Variants in ANKRD55 observed in about 807,000 individuals in gnomAD.
ANKRD55 encodes the protein ankyrin repeat domain 55.
In ANKRD55, 41 loss-of-function variants were observed where a neutral mutation model predicts 60.6. The ratio of observed to expected loss-of-function variants is 0.68; its 90% CI spans 0.53 to 0.88. ANKRD55 has a LOEUF of 0.88. ANKRD55 is among the 40% of genes least tolerant of loss of function. ANKRD55 has a pLI of 0.00. For missense variants in ANKRD55, 732 were observed against 767.6 expected (o/e 0.95, Z 0.55); for synonymous variants, 264 against 290.3 (o/e 0.91, Z 0.92).
At chr5:56,125,295 C>T (rs318809) in intron 8 of ANKRD55, among the ~76,000 whole-genome samples, 94,376 of 149,596 alleles carry the variant, frequency 0.63, 29,984 homozygotes, top group African/African-American at 0.76. Context: ...TTTTTTTTTT[C>T]AGACAGAGTC....
In ANKRD55 at chr5:56,111,185, A is replaced by G. The variant is rs1277297516; in HGVS notation, c.1563T>C (p.Ser521=). The change falls in exon 10 of 12, where the codon AGT becomes AGC. Residue 521 remains serine (S), a synonymous_variant. Coordinates refer to ENST00000341048, the MANE Select transcript of ANKRD55 (RefSeq NM_024669.3). ...AGACCTCTTGGTGACCAGGCCGGAC[A>G]CTGAGCAATCTGTCCAGCAGCTTAT... is the stretch of plus-strand genomic sequence containing the variant. The part of the protein sequence containing the change: ...SSDKLLDRLL[S]VRPGHQEVSV... 6.2e-7 allele frequency: 1 copy of G among 1,614,128 alleles called. No homozygotes were observed. The highest frequency in any genetic ancestry group is 8.5e-7 in the Non-Finnish European group (1 of 1,180,054).
chr5:56,163,212 A>G (rs1758375525), intron 5 of ANKRD55, among the ~76,000 whole-genome samples: 1 of 152,164 alleles, frequency 6.6e-6, no homozygotes, highest in Non-Finnish European at 1.5e-5. Flanking sequence ...TTGTGAGAAC[A>G]AAGAACCTGA....
At chr5:56,144,050 G>GTTCA (rs1254064848) in intron 6 of ANKRD55, 121 bp from the exon 7 acceptor site, 18 of 1,272,502 alleles carry the variant, frequency 1.4e-5, no homozygotes, top group African/African-American at 4.4e-5. Context: ...TTTCCTGCTG[G>GTTCA]TTCATTCATT....
At chr5:56,185,881 A>G (rs1354765961) in intron 2 of ANKRD55, among the ~76,000 whole-genome samples, 1 of 152,176 alleles carries the variant, frequency 6.6e-6, no homozygotes, top group Non-Finnish European at 1.5e-5. Context: ...GGAACTTGTT[A>G]TTGGAAATGA....
intron 2 of ANKRD55, among the ~76,000 whole-genome samples, chr5:56,230,507 T>C (rs1388107784): frequency 6.6e-6 from 1 of 152,188 alleles, no homozygotes; most frequent in Non-Finnish European, 1.5e-5. Context: ...ACTGCTAGGG[T>C]TCACTTATCC....
In ANKRD55 at chr5:56,136,985, C is replaced by T. The variant is rs574139739; in HGVS notation, c.612+6816G>A. On this transcript the variant is annotated intron_variant, in intron 7 of 11. Transcript: ENST00000341048. ...CCTCAGCTAATCTGTGAAAATGATTCGCTCTTCACTTGACCCAGAGAGCCC... is the reference window on the plus strand; with the variant it reads ...CCTCAGCTAATCTGTGAAAATGATTTGCTCTTCACTTGACCCAGAGAGCCC... 1.2e-4 allele frequency: 72 copies of T among 612,220 alleles called. 1 individual carries two copies. Among genetic ancestry groups the T allele is most frequent in the South Asian group, 1.1e-3 (64 of 59,374 alleles). 37.9% of individuals were successfully genotyped at this position (612,220 alleles called of 1,614,324 possible).
chr5:56,125,212 T>C (rs1271118871), intron 8 of ANKRD55, among the ~76,000 whole-genome samples: 1 of 152,244 alleles, frequency 6.6e-6, no homozygotes, highest in Non-Finnish European at 1.5e-5. Flanking sequence ...ATGTAGCTTA[T>C]GTTCTTCTAC....
At chr5:56,126,805 A>G in intron 8 of ANKRD55, 117 bp downstream of exon 8, 1 of 1,123,946 alleles carries the variant, frequency 8.9e-7, no homozygotes, top group Non-Finnish European at 1.2e-6. Context: ...GCCCATGTGT[A>G]TTACTGGCAA....
At chr5:56,110,880 G>A (rs1318995955) in intron 10 of ANKRD55, 1 of 549,740 alleles carries the variant, frequency 1.8e-6, no homozygotes, top group Admixed American at 3.3e-5. Flanking sequence ...ATTTGCTGGG[G>A]AGATGAGAAG....
At chr5:56,133,188 C>T (rs1238766768) in intron 7 of ANKRD55, among the ~76,000 whole-genome samples, 2 of 152,138 alleles carry the variant, frequency 1.3e-5, no homozygotes, top group Non-Finnish European at 2.9e-5. Flanking sequence ...TGCCTGTAAT[C>T]CCAGCACTTT....
chr5:56,195,713 G>A (rs927528435), intron 2 of ANKRD55, among the ~76,000 whole-genome samples: 1 of 152,082 alleles, frequency 6.6e-6, no homozygotes, highest in Non-Finnish European at 1.5e-5. Flanking sequence ...CAAAGTGCTG[G>A]GATTACAGGT....
chr5:56,142,857 A>G (rs1333619269), intron 7 of ANKRD55, among the ~76,000 whole-genome samples: 2 of 152,220 alleles, frequency 1.3e-5, no homozygotes, highest in Non-Finnish European at 2.9e-5. Flanking sequence ...TGCTCACTGC[A>G]TAGCTTTGCA....
At position 56,116,695 on chromosome 5, in the gene ANKRD55, G is replaced by A; in HGVS notation, c.885C>T (p.Asp295=). Residue 295 remains aspartate (D), a synonymous_variant, in exon 9 of 12, where the codon GAC becomes GAT. Coordinates refer to ENST00000341048, the MANE Select transcript of ANKRD55 (RefSeq NM_024669.3). The part of the protein sequence containing the change: ...LELGMDSNLR[D]INESTPLAYA... ...AGGCCAAGGGCGTGCTCTCATTGATGTCCCGCAGGTTGCTGTCCATTCCCA... is the reference window on the plus strand; with the variant it reads ...AGGCCAAGGGCGTGCTCTCATTGATATCCCGCAGGTTGCTGTCCATTCCCA... 6.2e-7 allele frequency: 1 copy of A among 1,614,062 alleles called. No individual in the cohort carries two copies. Among genetic ancestry groups the A allele is most frequent in the Non-Finnish European group, 8.5e-7 (1 of 1,179,954 alleles).
intron 2 of ANKRD55, among the ~76,000 whole-genome samples, chr5:56,226,852 G>GA (rs1023677018): frequency 1.3e-5 from 2 of 152,212 alleles, no homozygotes; most frequent in Non-Finnish European, 2.9e-5. Context: ...GTGCTGGAGA[G>GA]GATGTGGAGA....
Position 56,099,905 on chromosome 5 carries a change from A to G in ANKRD55, c.*278T>C. 3.0e-6 allele frequency: 1 copy of G among 328,796 alleles called. No homozygotes were observed. The highest frequency in any genetic ancestry group is 5.1e-5 in the South Asian group (1 of 19,746). 20.4% of individuals were successfully genotyped at this position (328,796 alleles called of 1,614,324 possible). A position where few individuals can be genotyped will look rare whatever the true frequency, so the allele number is the denominator to read the frequency against. ...AGTGCACATGCCACAAAGCAAACCA[A>G]ACATAGCTCAGTTTTCCTACTGATA... On this transcript the variant is annotated 3_prime_UTR_variant, in exon 12 of 12. Transcript: ENST00000341048.
intron 7 of ANKRD55, among the ~76,000 whole-genome samples, chr5:56,139,277 C>CA (rs1561266006): frequency 6.6e-6 from 1 of 152,058 alleles, no homozygotes; most frequent in East Asian, 1.9e-4. Flanking sequence ...ATTCAATGAA[C>CA]ACCTCTTTAG....
At chr5:56,184,431 G>A (rs116486646) in intron 2 of ANKRD55, among the ~76,000 whole-genome samples, 4,771 of 152,218 alleles carry the variant, frequency 0.031, 266 homozygotes, top group African/African-American at 0.11. Context: ...CATTCTTTCA[G>A]CCCTGCGTCA....
Position 56,111,197 on chromosome 5 carries a change from G to C in ANKRD55, c.1551C>G (p.Asp517Glu). The change falls in exon 10 of 12, where the codon GAC (aspartate) becomes GAG (glutamate). Residue 517 changes from aspartate (D) to glutamate (E), a missense_variant. Asp to Glu is a conservative substitution (Grantham distance 45, BLOSUM62 2). This residue lies in a region of ANKRD55 where 597 missense variants were observed against 607.5 expected (regional missense o/e 0.98). Transcript: ENST00000341048. The part of the protein sequence containing the change: ...WTVSSSDKLL[D>E]RLLSVRPGHQ... ...GACCAGGCCGGACACTGAGCAATCT[G>C]TCCAGCAGCTTATCAGAAGAAGACA... 1 of 1,614,240 alleles carries C rather than the reference G, an allele frequency of 6.2e-7. No individual in the cohort carries two copies. The highest frequency in any genetic ancestry group is 8.5e-7 in the Non-Finnish European group (1 of 1,180,050).
At chr5:56,201,302 T>G (rs576043823) in intron 2 of ANKRD55, among the ~76,000 whole-genome samples, 1 of 152,248 alleles carries the variant, frequency 6.6e-6, no homozygotes, top group East Asian at 1.9e-4. Context: ...TGGGACAACA[T>G]TGCCACCCAC....
Sources: gnomAD v4.1 joint callset for allele counts (sites outside exome capture counted in the v4.1 genomes callset) on GRCh38, gnomAD v4.1.1 for gene constraint, gnomAD v4.1.1 regional missense constraint, MANE v1.5 for transcripts, NCBI Gene and HGNC (gene_info 2026-07-23, HGNC 2026-07-21) for gene names.